The following PBRM1 variants were observed in gnomAD, a reference collection of about 807,000 sequenced individuals.
The protein encoded by PBRM1 is polybromo 1, also known as protein polybromo-1.
Under a neutral mutation model 194.5 loss-of-function variants are expected in PBRM1, and 27 were observed. The observed-to-expected ratio is 0.14, with a 90% CI of 0.10 to 0.19. PBRM1 has a LOEUF of 0.19. Ranked by LOEUF, PBRM1 falls within the 10% of genes least tolerant of loss-of-function variation. PBRM1 has a pLI of 1.00. For missense variants in PBRM1, 1,466 were observed against 2,077.2 expected (o/e 0.71, Z 5.72); for synonymous variants, 655 against 693.2 (o/e 0.94, Z 0.87).
At chr3:52,561,220 G>T (rs1378998324) in intron 25 of PBRM1, among the ~76,000 whole-genome samples, 1 of 152,110 alleles carries the variant, frequency 6.6e-6, no homozygotes, top group East Asian at 1.9e-4. Context: ...AGAATAAAAG[G>T]AAAATAAAGG....
intron 10 of PBRM1, among the ~76,000 whole-genome samples, chr3:52,636,036 T>G (rs952234915): frequency 6.0e-5 from 8 of 133,530 alleles, no homozygotes; most frequent in East Asian, 2.1e-4. Flanking sequence ...GCCAATTTGG[T>G]TTTTTTTTGT....
chr3:52,655,432 G>A (rs2096590929), intron 5 of PBRM1, among the ~76,000 whole-genome samples: 1 of 152,066 alleles, frequency 6.6e-6, no homozygotes, highest in African/African-American at 2.4e-5. Context: ...CAAATAATAT[G>A]CCACTGTATG....
intron 20 of PBRM1, among the ~76,000 whole-genome samples, chr3:52,582,963 G>A (rs527296236): frequency 2.6e-5 from 4 of 151,578 alleles, no homozygotes; most frequent in East Asian, 2.0e-4. Context: ...CGGGCGTGGT[G>A]GTGAGCGCCT....
chr3:52,608,512 T>C (rs911670134), intron 16 of PBRM1, among the ~76,000 whole-genome samples: 2 of 152,208 alleles, frequency 1.3e-5, no homozygotes, highest in African/African-American at 4.8e-5. Context: ...TACTACTTGC[T>C]TTTCTTTAAA....
intron 16 of PBRM1, among the ~76,000 whole-genome samples, chr3:52,606,603 G>C (rs977365088): frequency 1.3e-5 from 2 of 152,144 alleles, no homozygotes; most frequent in African/African-American, 4.8e-5. Flanking sequence ...GAATTTATTA[G>C]TCTACGAGGT....
Position 52,589,269 on chromosome 3 carries a change from A to T in PBRM1, c.2780-14T>A. The T allele has an allele frequency of 6.7e-7, 1 of 1,497,624 alleles. No homozygotes were observed. Among genetic ancestry groups the T allele is most frequent in the Non-Finnish European group, 8.9e-7 (1 of 1,125,812 alleles). 92.8% of individuals were successfully genotyped at this position (1,497,624 alleles called of 1,614,324 possible). Reference sequence around the variant, plus strand: ...TCTTTTCAGCTTCTTAGGTAAAAAAATAAATAAATAAAGGAAAAAGGTACT... The same window carrying T: ...TCTTTTCAGCTTCTTAGGTAAAAAATTAAATAAATAAAGGAAAAAGGTACT... On this transcript the variant is annotated splice_polypyrimidine_tract_variant and intron_variant, in intron 17 of 29. Coordinates refer to ENST00000296302, the Ensembl canonical transcript of PBRM1.
chr3:52,616,833 T>C (rs993134981), intron 14 of PBRM1, among the ~76,000 whole-genome samples: 5 of 152,218 alleles, frequency 3.3e-5, no homozygotes, highest in African/African-American at 1.2e-4. Context: ...TCGTTGAGGA[T>C]CGTAGTAATG....
At chr3:52,664,789 G>A (rs71299613) in intron 3 of PBRM1, among the ~76,000 whole-genome samples, 9,092 of 151,452 alleles carry the variant, frequency 0.06, 359 homozygotes, top group Non-Finnish European at 0.085. Context: ...AATATGAAAA[G>A]TTAAGAGAAA....
intron 17 of PBRM1, among the ~76,000 whole-genome samples, chr3:52,591,059 C>T (rs1009508354): frequency 6.6e-6 from 1 of 152,108 alleles, no homozygotes; most frequent in African/African-American, 2.4e-5. Flanking sequence ...TAGCTCTTGG[C>T]TTGGCTGCTA....
intron 17 of PBRM1, among the ~76,000 whole-genome samples, chr3:52,597,990 C>G (rs1184695529): frequency 6.6e-6 from 1 of 152,182 alleles, no homozygotes; most frequent in African/African-American, 2.4e-5. Flanking sequence ...AGGCGTGAGC[C>G]ACTGCACCCT....
At chr3:52,572,920 C>G (rs2087922266) in intron 22 of PBRM1, among the ~76,000 whole-genome samples, 1 of 152,108 alleles carries the variant, frequency 6.6e-6, no homozygotes, top group Non-Finnish European at 1.5e-5. Flanking sequence ...ATAACAAAAC[C>G]CTTTTTCCTT....
At chr3:52,548,993 T>C (rs1443844874) in intron 29 of PBRM1, among the ~76,000 whole-genome samples, 1 of 152,118 alleles carries the variant, frequency 6.6e-6, no homozygotes, top group Non-Finnish European at 1.5e-5. Context: ...TTCTAATATT[T>C]TTTTCCTTTT....
At chr3:52,557,163 T>C (rs185080104) in intron 26 of PBRM1, among the ~76,000 whole-genome samples, 23 of 152,280 alleles carry the variant, frequency 1.5e-4, no homozygotes, top group African/African-American at 5.5e-4. Context: ...GATTATGAGA[T>C]TTGTTAGATC....
intron 15 of PBRM1, among the ~76,000 whole-genome samples, chr3:52,614,577 T>A (rs1414982531): frequency 6.6e-6 from 1 of 150,464 alleles, no homozygotes. Flanking sequence ...TTCCCTTTTT[T>A]TTTTTTTTTC....
intron 5 of PBRM1, 23 bp from the exon 7 acceptor site, chr3:52,651,833 T>A (rs2096500416): frequency 6.6e-7 from 1 of 1,510,704 alleles, no homozygotes; most frequent in Non-Finnish European, 9.1e-7. Flanking sequence ...AAACCAGGCA[T>A]GCTCAATAAG....
intron 22 of PBRM1, among the ~76,000 whole-genome samples, chr3:52,567,146 A>G (rs1002074701): frequency 5.3e-5 from 8 of 151,938 alleles, no homozygotes; most frequent in African/African-American, 1.9e-4. Flanking sequence ...CATAAATGGT[A>G]GCATATCACT....
At chr3:52,578,895 T>C (rs975412246) in intron 21 of PBRM1, 159 bp downstream of exon 23, 15 of 730,796 alleles carry the variant, frequency 2.1e-5, no homozygotes, top group Non-Finnish European at 3.7e-5. Context: ...AAGGGATAAT[T>C]TAAGGAAGAA....
At position 52,674,665 on chromosome 3, in the gene PBRM1, T is replaced by TAC. The variant is rs1205407010; in HGVS notation, c.236+3833_236+3834dup. On this transcript the variant is annotated intron_variant, in intron 2 of 29. Coordinates refer to ENST00000296302, the Ensembl canonical transcript of PBRM1. Reference sequence around the variant, plus strand: ...AAAAATATATATATATATATATATATACACACACACACACACATATATCTC... The same window carrying TAC: ...AAAAATATATATATATATATATATATACACACACACACACACACATATATCTC... Among the ~76,000 whole-genome samples the TAC allele has an allele frequency of 9.0e-3, 1,228 of 136,654 alleles. 6 individuals carry two copies. The highest frequency in any genetic ancestry group is 0.011 in the Non-Finnish European group (734 of 65,150). 89.7% of individuals were successfully genotyped at this position (136,654 alleles called of 152,430 possible).
intron 15 of PBRM1, 83 bp downstream of exon 17, chr3:52,615,268 A>AT: frequency 1.3e-6 from 1 of 752,318 alleles, no homozygotes; most frequent in Non-Finnish European, 2.3e-6. Flanking sequence ...TATATTCATA[A>AT]TTTAATTAAA....
Sources: allele counts gnomAD v4.1 joint callset (sites outside exome capture counted in the v4.1 genomes callset), GRCh38; gene constraint gnomAD v4.1.1; transcripts MANE v1.5; gene names NCBI Gene and HGNC (gene_info 2026-07-23, HGNC 2026-07-21).